VPS4B: variants seen among roughly 807,000 people sequenced by gnomAD.
VPS4B encodes vacuolar protein sorting 4 homolog B.
In VPS4B, 23 loss-of-function variants were observed where a neutral mutation model predicts 56.1. The ratio of observed to expected loss-of-function variants is 0.41; its 90% confidence interval spans 0.30 to 0.58. VPS4B has a LOEUF of 0.58. Ranked by LOEUF, VPS4B falls within the 20% of genes least tolerant of loss-of-function variation. The pLI is 0.29. For missense variants in VPS4B, 372 were observed against 531.9 expected, an observed-to-expected ratio of 0.70 and a Z score of 2.96; for synonymous variants, 177 against 186.0, an observed-to-expected ratio of 0.95 and a Z score of 0.39.
At chr18:63,394,989 C>T (rs747027) in intron 9 of VPS4B, among the ~76,000 whole-genome samples, 2,518 of 152,198 alleles carry the variant, frequency 0.017, 63 homozygotes, top group African/African-American at 0.058. Context: ...AAATAAAATA[C>T]TAGTAAATGC....
chr18:63,417,997 CTCCTCTGCTGTGGAGCTGATCCCCACCT>C (rs1457593106), intron 1 of VPS4B, among the ~76,000 whole-genome samples: 1 of 152,194 alleles, frequency 6.6e-6, no homozygotes, highest in Non-Finnish European at 1.5e-5. Context: ...CCAATTCTTT[CTCCTCTGCTGTGGAGCTGATCCCCACCT>C]TCCTCTGCTG....
intron 5 of VPS4B, among the ~76,000 whole-genome samples, chr18:63,401,485 C>G (rs1915807283): frequency 6.6e-6 from 1 of 152,094 alleles, no homozygotes; most frequent in African/African-American, 2.4e-5. Flanking sequence ...ATCTTCTGAC[C>G]TCAGGTGATC....
chr18:63,398,912 G>A (rs1039226501), intron 8 of VPS4B, among the ~76,000 whole-genome samples: 1 of 151,796 alleles, frequency 6.6e-6, no homozygotes, highest in African/African-American at 2.4e-5. Context: ...TTATATAAAT[G>A]GTTTTTACTG....
At chr18:63,404,481 C>T (rs1915875846) in intron 4 of VPS4B, 1 of 152,130 alleles carries the variant, frequency 6.6e-6, no homozygotes, top group Non-Finnish European at 1.5e-5. Context: ...CTATTTACAA[C>T]TTTTGTTAAT....
intron 9 of VPS4B, among the ~76,000 whole-genome samples, chr18:63,394,892 T>C (rs569260763): frequency 3.5e-4 from 53 of 152,376 alleles, no homozygotes; most frequent in Non-Finnish European, 6.2e-4. Flanking sequence ...TACTCACTAA[T>C]ATTTTAGCTG....
chr18:63,399,129 A>G (rs555354563), intron 8 of VPS4B, 113 bp downstream of exon 8: 5 of 931,296 alleles, frequency 5.4e-6, no homozygotes, highest in African/African-American at 3.3e-5. Flanking sequence ...GTTAGAGCAC[A>G]TTACAAATCT....
chr18:63,418,095 C>T (rs1916207794), intron 1 of VPS4B, among the ~76,000 whole-genome samples: 1 of 152,096 alleles, frequency 6.6e-6, no homozygotes, highest in Non-Finnish European at 1.5e-5. Flanking sequence ...CCTTTTTTCC[C>T]TCAGCAGAAA....
rs932645918 is a variant in VPS4B at position 63,422,298 on chromosome 18, G to A, written c.-39C>T. The A allele has an allele frequency of 6.8e-7, 1 of 1,479,240 alleles. No individual in the cohort carries two copies. 91.6% of individuals were successfully genotyped at this position (1,479,240 alleles called of 1,614,324 possible). ...GGCGGTTCCCAAGGGAACGAGGGGC[G>A]AGGAGAGCCAACAGCAGCAACGTCG... On this transcript the variant is annotated 5_prime_UTR_variant, in exon 1 of 11. Coordinates refer to ENST00000238497, the MANE Select transcript of VPS4B (RefSeq NM_004869.4).
chr18:63,400,447 A>G, intron 6 of VPS4B, 100 bp downstream of exon 6: 1 of 1,308,790 alleles, frequency 7.6e-7, no homozygotes. Context: ...GTATTACATG[A>G]CTTCTCTGAA....
rs1915492266 is a variant in VPS4B at position 63,389,401 on chromosome 18, T to C, written c.*1574A>G. The C allele has an allele frequency of 6.5e-6, 1 of 152,732 alleles. No individual in the cohort carries two copies. Among genetic ancestry groups the C allele is most frequent in the African/African-American group, 2.4e-5 (1 of 41,564 alleles). The allele number at this position is 152,732 out of a possible 1,614,324, so 9.5% of individuals were successfully genotyped here. On this transcript the variant is annotated 3_prime_UTR_variant, in exon 11 of 11. Transcript: ENST00000238497. Reference sequence around the variant, plus strand: ...TACAGAAAACCCAAAGGCAACCACATAGCATATGTAAAATGTGCAAATACA... The same window carrying C: ...TACAGAAAACCCAAAGGCAACCACACAGCATATGTAAAATGTGCAAATACA...
In VPS4B at chr18:63,411,462, C is replaced by T. The variant is rs1398863792; in HGVS notation, c.139+5G>A. 3.3e-6 allele frequency: 5 copies of T among 1,515,056 alleles called. No individual in the cohort carries two copies. Among genetic ancestry groups the T allele is most frequent in the Admixed American group, 2.2e-5 (1 of 45,856 alleles). The allele number at this position is 1,515,056 out of a possible 1,614,324, so 93.9% of individuals were successfully genotyped here. The stretch of plus-strand genomic sequence containing the variant: ...TTTTAAATAAAATATAACCTATGGC[C>T]TCACATTTAACGACATGAAGAAAAT... On this transcript the variant is annotated splice_donor_5th_base_variant and intron_variant, in intron 2 of 10. Coordinates refer to ENST00000238497, the MANE Select transcript of VPS4B (RefSeq NM_004869.4).
At chr18:63,417,107 T>C (rs903248191) in intron 1 of VPS4B, among the ~76,000 whole-genome samples, 2 of 152,044 alleles carry the variant, frequency 1.3e-5, no homozygotes, top group African/African-American at 2.4e-5. Flanking sequence ...AAAAAAAAAT[T>C]CCCTACTCCT....
intron 1 of VPS4B, among the ~76,000 whole-genome samples, chr18:63,419,320 T>C (rs7239503): frequency 0.59 from 88,939 of 151,844 alleles, 27,155 homozygotes; most frequent in East Asian, 0.88. Context: ...GGGGGGCTGA[T>C]GCAGGGGAAT....
chr18:63,393,635 T>A, intron 9 of VPS4B, 86 bp from the exon 10 acceptor site: 1 of 1,266,776 alleles, frequency 7.9e-7, no homozygotes, highest in Admixed American at 3.2e-5. Flanking sequence ...TTAAAATGTA[T>A]AATAGTTTTG....
At chr18:63,416,832 T>G (rs1916177523) in intron 1 of VPS4B, among the ~76,000 whole-genome samples, 1 of 152,180 alleles carries the variant, frequency 6.6e-6, no homozygotes, top group African/African-American at 2.4e-5. Context: ...TGATGTCTCC[T>G]TTTCAGTCCT....
Position 63,389,864 on chromosome 18 carries a change from C to T in VPS4B, c.*1111G>A, listed in dbSNP as rs1363457580. 1 of 152,602 alleles carries T rather than the reference C, an allele frequency of 6.6e-6. No homozygotes were observed. Among genetic ancestry groups the T allele is most frequent in the Non-Finnish European group, 1.5e-5 (1 of 68,038 alleles). The allele number at this position is 152,602 out of a possible 1,614,324, so 9.5% of individuals were successfully genotyped here. ...TCCTTATTAGCAAAGGTGCGCATTA[C>T]AGTATTTCATGACAGTTAAAAATTA... On this transcript the variant is annotated 3_prime_UTR_variant, in exon 11 of 11. Transcript: ENST00000238497.
In VPS4B at chr18:63,400,088, G is replaced by A. The variant is rs753202373; in HGVS notation, c.750C>T (p.Ala250=). ...CGSRSENESE[A]ARRIKTEFLV... is the part of the protein sequence containing the mutation. ...GGAACTCCGTCTTAATTCTACGTGC[G>A]GCTTCACTTTCATTTTCACTTCTTG... Residue 250 remains alanine, a synonymous_variant, in exon 7 of 11, where the codon GCC becomes GCT. Coordinates refer to ENST00000238497, the MANE Select transcript of VPS4B (RefSeq NM_004869.4). 39 of 1,612,416 alleles carry A rather than the reference G, an allele frequency of 2.4e-5. No homozygotes were observed. Among genetic ancestry groups the A allele is most frequent in the South Asian group, 3.3e-5 (3 of 90,896 alleles).
intron 1 of VPS4B, chr18:63,415,407 C>T (rs1916139907): frequency 1.1e-5 from 3 of 271,176 alleles, no homozygotes; most frequent in South Asian, 4.6e-5. Flanking sequence ...GGGTGACATG[C>T]ACTCGCCGTT....
intron 8 of VPS4B, among the ~76,000 whole-genome samples, chr18:63,398,204 C>CACACACACACACATATATATATAT (rs1298374245): frequency 8.9e-6 from 1 of 112,446 alleles, no homozygotes; most frequent in African/African-American, 3.3e-5. Context: ...CACACACACA[C>CACACACACACACATATATATATAT]ATATATATAT....
Sources: gnomAD v4.1 joint callset for allele counts (sites outside exome capture counted in the v4.1 genomes callset) on GRCh38, gnomAD v4.1.1 for gene constraint, MANE v1.5 for transcripts, NCBI Gene and HGNC (gene_info 2026-07-23, HGNC 2026-07-21) for gene names.